The following ZZEF1 variants were observed in gnomAD, a reference collection of about 807,000 sequenced individuals.
ZZEF1 encodes zinc finger ZZ-type and EF-hand domain-containing protein 1.
ZZEF1 carries 157 observed loss-of-function variants against 342.8 expected under a neutral mutation model. The ratio of observed to expected loss-of-function variants is 0.46; its 90% confidence interval spans 0.40 to 0.52. The LOEUF (loss-of-function observed/expected upper bound fraction) is 0.52. ZZEF1 is among the 20% of genes least tolerant of loss of function. The pLI is 0.00. For missense variants in ZZEF1, 3,480 were observed against 3,725.6 expected (o/e 0.93, Z 1.72); for synonymous variants, 1,505 against 1,429.1 (o/e 1.05, Z -1.20).
At chr17:4,120,425 C>T (rs1272234494) in intron 2 of ZZEF1, among the ~76,000 whole-genome samples, 1 of 151,862 alleles carries the variant, frequency 6.6e-6, no homozygotes, top group Non-Finnish European at 1.5e-5. Flanking sequence ...CAGTGTTCTC[C>T]AGAGGGACAG....
chr17:4,072,582 T>C (rs2057530451), intron 25 of ZZEF1, 26 bp downstream of exon 25: 8 of 1,584,282 alleles, frequency 5.0e-6, no homozygotes, highest in Non-Finnish European at 6.0e-6. Flanking sequence ...CCAGTCTAAA[T>C]AGAAAGAAAA....
At chr17:4,012,940 G>A (rs1244439598) in intron 52 of ZZEF1, among the ~76,000 whole-genome samples, 1 of 152,004 alleles carries the variant, frequency 6.6e-6, no homozygotes, top group Non-Finnish European at 1.5e-5. Flanking sequence ...ATATTACTAA[G>A]ACCTAAACAA....
chr17:4,048,254 G>T (rs1214227301), intron 37 of ZZEF1, among the ~76,000 whole-genome samples: 2 of 152,334 alleles, frequency 1.3e-5, no homozygotes, highest in African/African-American at 2.4e-5. Context: ...TGAGAGACAG[G>T]CTTGATGATT....
At position 4,085,667 on chromosome 17, in the gene ZZEF1, T is replaced by C; in HGVS notation, c.2646+3A>G. 1.9e-6 allele frequency: 3 copies of C among 1,613,704 alleles called. No individual in the cohort carries two copies. The highest frequency in any genetic ancestry group is 2.5e-6 in the Non-Finnish European group (3 of 1,179,774). On this transcript the variant is annotated splice_donor_region_variant and intron_variant, in intron 16 of 54. Coordinates refer to ENST00000381638, the MANE Select transcript of ZZEF1 (RefSeq NM_015113.4). ...TTGAATCCAGACTTTTAGTAATAAT[T>C]ACCATCATGGTGAAGAGATGGTTCC... is the stretch of plus-strand genomic sequence containing the variant.
rs1419361168 is a variant in ZZEF1 at position 4,064,619 on chromosome 17, T to C, written c.4460A>G (p.Gln1487Arg). 1 of 1,614,182 alleles carries C rather than the reference T, an allele frequency of 6.2e-7. No individual in the cohort carries two copies. The highest frequency in any genetic ancestry group is 1.3e-5 in the African/African-American group (1 of 75,052). The part of the protein sequence containing the change: ...TEAAPPATGD[Q>R]SPGLGTQPKL... ...TGGCTGGGTGCCCAGGCCAGGACTCTGGTCTCCTGTGGCAGGGGGTGCGGC... is the reference window on the plus strand; with the variant it reads ...TGGCTGGGTGCCCAGGCCAGGACTCCGGTCTCCTGTGGCAGGGGGTGCGGC... The change falls in exon 29 of 55, where the codon CAG becomes CGG. Residue 1487 changes from glutamine to arginine, a missense_variant. This residue lies in a region of ZZEF1 where 1,528 missense variants were observed against 1,624.1 expected (regional missense o/e 0.94). Coordinates refer to ENST00000381638, the MANE Select transcript of ZZEF1 (RefSeq NM_015113.4).
chr17:4,116,829 G>C (rs1263301000), intron 3 of ZZEF1, 143 bp downstream of exon 3: 2 of 853,814 alleles, frequency 2.3e-6, no homozygotes, highest in Non-Finnish European at 3.5e-6. Flanking sequence ...GGAATGAGGA[G>C]AAAGATCACA....
At chr17:4,056,518 T>C (rs567965421) in intron 32 of ZZEF1, among the ~76,000 whole-genome samples, 173 bp from the exon 33 acceptor site, 6 of 152,296 alleles carry the variant, frequency 3.9e-5, no homozygotes, top group Admixed American at 6.5e-5. Flanking sequence ...TTGGTAGATA[T>C]ATGCCAAGAA....
At position 4,090,843 on chromosome 17, in the gene ZZEF1, G is replaced by C. The variant is rs370211148; in HGVS notation, c.1914-13C>G. ...TGAGCAACCAATCCTGTAAAGACAA[G>C]AGTATTCACAAAACATTTTATTTTG... On this transcript the variant is annotated splice_polypyrimidine_tract_variant and intron_variant, in intron 11 of 54. Coordinates refer to ENST00000381638, the MANE Select transcript of ZZEF1 (RefSeq NM_015113.4). The C allele has an allele frequency of 1.0e-5, 16 of 1,597,906 alleles. No homozygotes were observed. The highest frequency in any genetic ancestry group is 1.4e-5 in the Non-Finnish European group (16 of 1,165,708).
At chr17:4,123,060 C>T (rs944018095) in intron 2 of ZZEF1, among the ~76,000 whole-genome samples, 39 of 151,120 alleles carry the variant, frequency 2.6e-4, no homozygotes, top group Non-Finnish European at 5.2e-4. Flanking sequence ...GCTGGGACTA[C>T]GGGCACCCGC....
rs758144089 is a variant in ZZEF1, at chr17:4,021,241, C to T, written c.7292G>A (p.Arg2431Gln). Residue 2431 changes from arginine (R) to glutamine (Q), a missense_variant, in exon 45 of 55, where the codon CGA (arginine) becomes CAA (glutamine). Coordinates refer to ENST00000381638, the MANE Select transcript of ZZEF1 (RefSeq NM_015113.4). ...TTCCACCTCTTCCTCTCGGTCCCCT[C>T]GCTCATCCAGCTCTAGGTCTCCGTG... The part of the protein sequence containing the change: ...AEHGDLELDE[R>Q]GDREEEVERP... The T allele has an allele frequency of 1.7e-5, 27 of 1,614,236 alleles. No individual in the cohort carries two copies. The highest frequency in any genetic ancestry group is 2.2e-5 in the East Asian group (1 of 44,886).
intron 46 of ZZEF1, among the ~76,000 whole-genome samples, chr17:4,018,295 A>ATGACG (rs2056170718): frequency 6.6e-6 from 1 of 151,896 alleles, no homozygotes; most frequent in South Asian, 2.1e-4. Context: ...TTTTTTAGAG[A>ATGACG]TGACGTGTTG....
chr17:4,059,858 TCTCTGACACACTGATGCCAGAGCACCCTA>T (rs1224251746), intron 30 of ZZEF1, among the ~76,000 whole-genome samples: 1 of 152,250 alleles, frequency 6.6e-6, no homozygotes, highest in Non-Finnish European at 1.5e-5. Context: ...GATGACATCA[TCTCTGACACACTGATGCCAGAGCACCCTA>T]CTCTGACCCC....
intron 38 of ZZEF1, among the ~76,000 whole-genome samples, chr17:4,043,722 T>C (rs1190399203): frequency 6.6e-6 from 1 of 152,248 alleles, no homozygotes; most frequent in South Asian, 2.1e-4. Flanking sequence ...CCTGTTGGCC[T>C]TTCTTCTCCG....
chr17:4,018,006 G>A (rs770840972), intron 46 of ZZEF1, 35 bp from the exon 47 acceptor site: 1 of 1,609,672 alleles, frequency 6.2e-7, no homozygotes, highest in East Asian at 2.2e-5. Flanking sequence ...AGTACCAACA[G>A]TGTAGACAGG....
intron 2 of ZZEF1, among the ~76,000 whole-genome samples, chr17:4,120,303 G>A (rs1442005009): frequency 6.6e-6 from 1 of 151,742 alleles, no homozygotes; most frequent in Non-Finnish European, 1.5e-5. Flanking sequence ...GTTGCAGCGA[G>A]CCGAGACTGC....
rs1347370353 is a variant in ZZEF1, at chr17:4,085,721, G to A, written c.2595C>T (p.Ala865=). The A allele has an allele frequency of 1.2e-6, 2 of 1,614,136 alleles. No individual in the cohort carries two copies. The highest frequency in any genetic ancestry group is 1.7e-6 in the Non-Finnish European group (2 of 1,180,012). The change falls in exon 16 of 55, where the codon GCC becomes GCT. Residue 865 remains alanine (A), a synonymous_variant. Coordinates refer to ENST00000381638, the MANE Select transcript of ZZEF1 (RefSeq NM_015113.4). ...GGGTCTGTCGATTAGGAAAGAAGAT[G>A]GCAGCCCCATTGAGAAGGGTATTCC... The part of the protein sequence containing the change: ...EVRNTLLNGA[A]IFFPNRQTRR...
chr17:4,137,398 CA>C (rs2058767090), intron 1 of ZZEF1, among the ~76,000 whole-genome samples: 1 of 152,156 alleles, frequency 6.6e-6, no homozygotes, highest in Admixed American at 6.5e-5. Flanking sequence ...ATCACAAGGT[CA>C]GGAGATCGAG....
intron 52 of ZZEF1, among the ~76,000 whole-genome samples, chr17:4,013,088 CAAA>C (rs200757795): frequency 2.7e-5 from 2 of 75,170 alleles, no homozygotes; most frequent in Admixed American, 1.5e-4. Context: ...GACTCTGTCT[CAAA>C]AAAAAAAAAA....
At chr17:4,069,486 G>A (rs2057467371) in intron 26 of ZZEF1, among the ~76,000 whole-genome samples, 3 of 152,254 alleles carry the variant, frequency 2.0e-5, no homozygotes. Flanking sequence ...ATTCTGCAAT[G>A]TGAGATCCAA....
Sources: allele counts gnomAD v4.1 joint callset (sites outside exome capture counted in the v4.1 genomes callset), GRCh38; gene constraint gnomAD v4.1.1; regional missense constraint gnomAD v4.1.1; transcripts MANE v1.5; gene names NCBI Gene and HGNC (gene_info 2026-07-23, HGNC 2026-07-21).